The following UBAC2 variants were observed in gnomAD, a reference collection of about 807,000 sequenced individuals.
The protein encoded by UBAC2 is ubiquitin-associated domain-containing protein 2.
UBAC2 carries 26 observed loss-of-function variants against 44.0 expected under a neutral mutation model. The ratio of observed to expected loss-of-function variants is 0.59; its 90% CI spans 0.43 to 0.82. UBAC2 has a LOEUF of 0.82. UBAC2 is among the 40% of genes least tolerant of loss of function. UBAC2 has a pLI of 0.00. For synonymous variants in UBAC2, 155 were observed against 154.3 expected, an observed-to-expected ratio of 1.00 and a Z score of -0.04; for missense variants, 329 against 419.4, an observed-to-expected ratio of 0.78 and a Z score of 1.88.
At chr13:99,265,806 C>T (rs576806187) in intron 4 of UBAC2, among the ~76,000 whole-genome samples, 12 of 152,150 alleles carry the variant, frequency 7.9e-5, no homozygotes, top group African/African-American at 2.4e-4. Flanking sequence ...ATTACAAAGA[C>T]GTACCAAATA....
Position 99,367,944 on chromosome 13 carries a change from CAT to C in UBAC2, c.927+39_927+40del, listed in dbSNP as rs549816468. 286 of 1,596,402 alleles carry C rather than the reference CAT, an allele frequency of 1.8e-4. 1 individual carries two copies. In the African/African-American group the frequency reaches 3.6e-3, roughly 20 times the overall value. On this transcript the variant is annotated intron_variant, in intron 8 of 8. Coordinates refer to ENST00000403766, the MANE Select transcript of UBAC2 (RefSeq NM_001144072.2). ...TAATACCTGGTACTCATTCTAAATC[CAT>C]GTTTCAGAGTTGAAGCAGTTTCGAT... is the stretch of plus-strand genomic sequence containing the variant.
chr13:99,383,087 C>A (rs891317813), intron 8 of UBAC2, among the ~76,000 whole-genome samples: 1 of 152,222 alleles, frequency 6.6e-6, no homozygotes, highest in African/African-American at 2.4e-5. Context: ...CATTCTCAGC[C>A]ACCTGGCAGT....
At chr13:99,381,358 G>A (rs1458151801) in intron 8 of UBAC2, among the ~76,000 whole-genome samples, 1 of 152,232 alleles carries the variant, frequency 6.6e-6, no homozygotes, top group Non-Finnish European at 1.5e-5. Context: ...ATTATGAATC[G>A]TCATTTGCCA....
At chr13:99,301,146 C>T (rs561331528) in intron 4 of UBAC2, among the ~76,000 whole-genome samples, 5 of 152,300 alleles carry the variant, frequency 3.3e-5, no homozygotes, top group African/African-American at 1.2e-4. Context: ...ATGCACGTGG[C>T]CCCTCAGCCG....
At chr13:99,301,392 C>T (rs2044254760) in intron 4 of UBAC2, among the ~76,000 whole-genome samples, 1 of 152,240 alleles carries the variant, frequency 6.6e-6, no homozygotes, top group African/African-American at 2.4e-5. Flanking sequence ...AGTTTTGCCT[C>T]TGTAATGCAG....
intron 4 of UBAC2, among the ~76,000 whole-genome samples, chr13:99,304,006 G>T (rs1040119068): frequency 6.6e-6 from 1 of 152,104 alleles, no homozygotes; most frequent in Admixed American, 6.5e-5. Context: ...TGCCATTCCC[G>T]CCCTTCTGCC....
intron 4 of UBAC2, among the ~76,000 whole-genome samples, chr13:99,254,210 A>G (rs1298012178): frequency 6.6e-6 from 1 of 152,228 alleles, no homozygotes; most frequent in Admixed American, 6.5e-5. Flanking sequence ...GAAACCTCAA[A>G]TGATAGAAAT....
intron 1 of UBAC2, among the ~76,000 whole-genome samples, chr13:99,210,076 G>A (rs1283616074): frequency 6.6e-6 from 1 of 152,104 alleles, no homozygotes; most frequent in Non-Finnish European, 1.5e-5. Context: ...TCTTTTCATC[G>A]TAAAAGTAAC....
At chr13:99,206,461 G>A (rs1486869895) in intron 1 of UBAC2, among the ~76,000 whole-genome samples, 3 of 152,172 alleles carry the variant, frequency 2.0e-5, no homozygotes, top group African/African-American at 7.2e-5. Context: ...TCCCGCAGCC[G>A]CTTCCCTGGC....
chr13:99,255,363 G>A (rs1469673182), intron 4 of UBAC2: 1 of 1,614,182 alleles, frequency 6.2e-7, no homozygotes. Flanking sequence ...TGAGGCAGGT[G>A]GCGGGAGTGG....
intron 1 of UBAC2, chr13:99,215,620 C>T: frequency 1.5e-6 from 2 of 1,321,460 alleles, no homozygotes; most frequent in Non-Finnish European, 2.2e-6. Context: ...GTTGCACCCA[C>T]ATGTCTGTGA....
chr13:99,345,852 C>T (rs769813216), intron 7 of UBAC2, among the ~76,000 whole-genome samples: 1 of 150,736 alleles, frequency 6.6e-6, no homozygotes, highest in Admixed American at 6.6e-5. Flanking sequence ...AAGCAATTCT[C>T]CTGCCTCAGC....
At position 99,338,041 on chromosome 13, in the gene UBAC2, TTTTTTC is replaced by T. The variant is rs1400089601; in HGVS notation, c.562-2273_562-2268del. Reference sequence around the variant, plus strand: ...AAAAAAATCTCCTAACTTTTTTTCTTTTTTTCTTTTTTTTTTTTTTTTTTTTTTTTT... The same window carrying T: ...AAAAAAATCTCCTAACTTTTTTTCTTTTTTTTTTTTTTTTTTTTTTTTTTT... On this transcript the variant is annotated intron_variant, in intron 6 of 8. Coordinates refer to ENST00000403766, the MANE Select transcript of UBAC2 (RefSeq NM_001144072.2). Among the ~76,000 whole-genome samples the T allele has an allele frequency of 7.9e-3, 236 of 29,794 alleles. 1 individual carries two copies. Among genetic ancestry groups the T allele is most frequent in the African/African-American group, 0.017 (197 of 11,800 alleles). The allele number at this position is 29,794 out of a possible 152,430, so 19.5% of individuals were successfully genotyped here. A position where few individuals can be genotyped will look rare whatever the true frequency, so the allele number is the denominator to read the frequency against.
chr13:99,356,315 G>A (rs185140049), intron 7 of UBAC2: 7 of 438,476 alleles, frequency 1.6e-5, no homozygotes, highest in Middle Eastern at 5.8e-4. Flanking sequence ...CAGGCAAGGC[G>A]TGTGGCCTTT....
chr13:99,253,467 A>G (rs906590547), intron 4 of UBAC2, among the ~76,000 whole-genome samples: 1 of 151,958 alleles, frequency 6.6e-6, no homozygotes, highest in Non-Finnish European at 1.5e-5. Context: ...TTTTGTGTTT[A>G]TCTTTTTTTT....
Position 99,300,081 on chromosome 13 carries a change from A to G in UBAC2, c.390-14016A>G, listed in dbSNP as rs74529235. Among the ~76,000 whole-genome samples, 6 of 152,324 alleles carry G rather than the reference A, an allele frequency of 3.9e-5. No homozygotes were observed. The East Asian group carries it at 7.7e-4, about 20-fold the overall frequency. ...AACTATATCATGGCACATGCGCAAC[A>G]TTGCCCAGCTGCTCCAGAGCAAAGG... On this transcript the variant is annotated intron_variant, in intron 4 of 8. Transcript: ENST00000403766.
chr13:99,352,121 C>T (rs756259667), intron 7 of UBAC2, among the ~76,000 whole-genome samples: 2 of 152,174 alleles, frequency 1.3e-5, no homozygotes, highest in Non-Finnish European at 2.9e-5. Flanking sequence ...TATCATTAAT[C>T]AAGTATTTTG....
intron 2 of UBAC2, among the ~76,000 whole-genome samples, chr13:99,242,414 G>C (rs1447040590): frequency 6.9e-6 from 1 of 144,208 alleles, no homozygotes; most frequent in African/African-American, 2.6e-5. Context: ...CCGGGCAGAG[G>C]CGCCCCTCAC....
chr13:99,324,763 G>A (rs1291450724), intron 6 of UBAC2, among the ~76,000 whole-genome samples: 2 of 152,144 alleles, frequency 1.3e-5, no homozygotes, highest in African/African-American at 4.8e-5. Context: ...GTGGCCCTGT[G>A]GATTCTAATG....
Sources: allele counts gnomAD v4.1 joint callset (sites outside exome capture counted in the v4.1 genomes callset), GRCh38; gene constraint gnomAD v4.1.1; transcripts MANE v1.5; gene names NCBI Gene and HGNC (gene_info 2026-07-23, HGNC 2026-07-21).